The following CCSER1 variants were observed in gnomAD, a reference collection of about 807,000 sequenced individuals.
CCSER1 encodes the protein coiled-coil serine rich protein 1.
A neutral mutation model predicts 82.0 loss-of-function variants in CCSER1; 41 were observed. The observed-to-expected ratio is 0.50, with a 90% CI of 0.39 to 0.65. CCSER1 has a LOEUF of 0.65. CCSER1 is among the 30% of genes least tolerant of loss of function. CCSER1 has a pLI of 0.00. For missense variants in CCSER1, 1,119 were observed against 1,064.2 expected, an observed-to-expected ratio of 1.05 and a Z score of -0.72; for synonymous variants, 414 against 383.9, an observed-to-expected ratio of 1.08 and a Z score of -0.92.
At chr4:91,543,016 T>C (rs1761688422) in intron 10 of CCSER1, among the ~76,000 whole-genome samples, 1 of 152,352 alleles carries the variant, frequency 6.6e-6, no homozygotes. Flanking sequence ...TTAGCATAAC[T>C]AGCTCTTCTT....
chr4:90,864,015 T>G (rs960793412), intron 8 of CCSER1, among the ~76,000 whole-genome samples: 1 of 136,600 alleles, frequency 7.3e-6, no homozygotes. Context: ...TTTTATTTTA[T>G]TTTACCACCA....
At position 91,318,133 on chromosome 4, in the gene CCSER1, G is replaced by C. The variant is rs377584374; in HGVS notation, c.2217+232139G>C. 5.5e-4 allele frequency among the ~76,000 whole-genome samples: 83 copies of C among 151,982 alleles called. 1 individual carries two copies. Among genetic ancestry groups the C allele is most frequent in the African/African-American group, 1.7e-3 (72 of 41,484 alleles). ...TGCTCTGGGTGGGGAGGGATTTATG[G>C]AGTACTCTGTATGGATGTGAGGGGC... On this transcript the variant is annotated intron_variant, in intron 10 of 10. Transcript: ENST00000509176.
rs1293942547 is a variant in CCSER1, at chr4:90,369,331, AAAG to A, written c.1510-30693_1510-30691del. On this transcript the variant is annotated intron_variant, in intron 3 of 10. Coordinates refer to ENST00000509176, the MANE Select transcript of CCSER1 (RefSeq NM_001145065.2). ...GACAAAGATGAGGATGAGGAGGAAG[AAAG>A]AAGAAGAAGAAAGAAAAGAGGAGGA... Among the ~76,000 whole-genome samples the A allele has an allele frequency of 2.1e-3, 264 of 127,116 alleles. 3 individuals are homozygous for A. The highest frequency in any genetic ancestry group is 2.6e-3 in the East Asian group (12 of 4,570). The allele number at this position is 127,116 out of a possible 152,430, so 83.4% of individuals were successfully genotyped here.
chr4:90,492,324 T>C (rs1178622527), intron 5 of CCSER1, among the ~76,000 whole-genome samples: 1 of 152,212 alleles, frequency 6.6e-6, no homozygotes, highest in Admixed American at 6.5e-5. Flanking sequence ...TATAGTATTC[T>C]CTAATAGTAG....
intron 7 of CCSER1, among the ~76,000 whole-genome samples, chr4:90,806,400 A>G (rs564777976): frequency 1.0e-3 from 155 of 152,336 alleles, no homozygotes; most frequent in Non-Finnish European, 2.0e-3. Flanking sequence ...GTTTCTTTGC[A>G]GTTCCTAGTA....
intron 10 of CCSER1, among the ~76,000 whole-genome samples, chr4:91,125,039 A>T (rs1238752081): frequency 6.6e-6 from 1 of 151,900 alleles, no homozygotes; most frequent in East Asian, 1.9e-4. Flanking sequence ...AAGGATTGAA[A>T]ATATACATAG....
chr4:90,186,633 T>C (rs748185048), intron 1 of CCSER1, among the ~76,000 whole-genome samples: 1 of 152,040 alleles, frequency 6.6e-6, no homozygotes, highest in Non-Finnish European at 1.5e-5. Context: ...CCATTTTAAA[T>C]ATTCCTTGAG....
intron 9 of CCSER1, among the ~76,000 whole-genome samples, chr4:90,965,699 A>T (rs755297042): frequency 6.6e-6 from 1 of 152,162 alleles, no homozygotes; most frequent in Admixed American, 6.5e-5. Context: ...GTGAAAGAGA[A>T]GAATCTGATT....
intron 10 of CCSER1, among the ~76,000 whole-genome samples, chr4:91,183,318 C>A (rs184374750): frequency 1.3e-5 from 2 of 151,754 alleles, no homozygotes; most frequent in African/African-American, 4.9e-5. Flanking sequence ...AAGGATAGGA[C>A]GTCTGGAAAA....
At chr4:90,658,454 T>A (rs1256694866) in intron 6 of CCSER1, among the ~76,000 whole-genome samples, 1 of 152,168 alleles carries the variant, frequency 6.6e-6, no homozygotes, top group Non-Finnish European at 1.5e-5. Flanking sequence ...GAGACCTGAA[T>A]TCCAATGTCT....
In CCSER1 at chr4:91,337,213, T is replaced by A. The variant is rs76251782; in HGVS notation, c.2217+251219T>A. Among the ~76,000 whole-genome samples, 183 of 152,288 alleles carry A rather than the reference T, an allele frequency of 1.2e-3. 1 individual carries two copies. The highest frequency in any genetic ancestry group is 6.8e-3 in the Middle Eastern group (2 of 294). ...TCTAGAGAAATTTAGAGACATTTAATGAGTTTATTTGAACTGAATGCAGGT... is the reference window on the plus strand; with the variant it reads ...TCTAGAGAAATTTAGAGACATTTAAAGAGTTTATTTGAACTGAATGCAGGT... On this transcript the variant is annotated intron_variant, in intron 10 of 10. Transcript: ENST00000509176.
chr4:90,415,514 A>G (rs993678333), intron 4 of CCSER1, among the ~76,000 whole-genome samples: 29 of 152,374 alleles, frequency 1.9e-4, no homozygotes, highest in African/African-American at 6.7e-4. Flanking sequence ...TTAATAAAAT[A>G]TCAGATATTA....
intron 5 of CCSER1, among the ~76,000 whole-genome samples, chr4:90,557,434 T>C (rs1360931634): frequency 6.6e-6 from 1 of 152,106 alleles, no homozygotes; most frequent in Non-Finnish European, 1.5e-5. Context: ...TAGAACAAAT[T>C]GGCCTCATTC....
At chr4:90,242,836 T>G (rs1373769594) in intron 1 of CCSER1, among the ~76,000 whole-genome samples, 1 of 152,182 alleles carries the variant, frequency 6.6e-6, no homozygotes, top group African/African-American at 2.4e-5. Flanking sequence ...ACAAGGGACT[T>G]GCACAAGGTC....
At chr4:91,410,353 T>C (rs1407686899) in intron 10 of CCSER1, among the ~76,000 whole-genome samples, 2 of 152,130 alleles carry the variant, frequency 1.3e-5, no homozygotes, top group Non-Finnish European at 2.9e-5. Flanking sequence ...TAAAGGGTAG[T>C]ATGAGCTGAG....
At chr4:90,197,403 A>G (rs1039442754) in intron 1 of CCSER1, among the ~76,000 whole-genome samples, 4 of 152,104 alleles carry the variant, frequency 2.6e-5, no homozygotes, top group East Asian at 3.8e-4. Flanking sequence ...TGGACCTACC[A>G]TATGATTCAG....
chr4:90,558,530 A>G (rs1320841542), intron 5 of CCSER1, among the ~76,000 whole-genome samples: 1 of 152,010 alleles, frequency 6.6e-6, no homozygotes, highest in Non-Finnish European at 1.5e-5. Context: ...TAGACTATAG[A>G]TAAGTCCATA....
chr4:90,924,387 A>C (rs1728786436), intron 9 of CCSER1, among the ~76,000 whole-genome samples: 1 of 152,104 alleles, frequency 6.6e-6, no homozygotes, highest in South Asian at 2.1e-4. Flanking sequence ...CTTTTCTTTT[A>C]GGAAATAAAC....
chr4:90,999,790 T>C (rs1737830244), intron 9 of CCSER1, among the ~76,000 whole-genome samples: 1 of 150,112 alleles, frequency 6.7e-6, no homozygotes, highest in African/African-American at 2.4e-5. Context: ...TCTTATTTGT[T>C]TTTGTTTTTG....
Sources: gnomAD v4.1 joint callset for allele counts (sites outside exome capture counted in the v4.1 genomes callset) on GRCh38, gnomAD v4.1.1 for gene constraint, MANE v1.5 for transcripts, NCBI Gene and HGNC (gene_info 2026-07-23, HGNC 2026-07-21) for gene names.